The following TRPS1 variants were observed in gnomAD, a reference collection of about 807,000 sequenced individuals.
The protein encoded by TRPS1 is transcriptional repressor GATA binding 1.
TRPS1 carries 6 observed loss-of-function variants against 101.2 expected under a neutral mutation model. That is an observed-to-expected ratio of 0.06 (90% CI 0.03 to 0.12). TRPS1 has a LOEUF of 0.12. Among genes scored for constraint, TRPS1 ranks in the 10% least tolerant of loss-of-function variants. TRPS1 has a pLI of 1.00. For missense variants in TRPS1, 1,363 were observed against 1,567.0 expected (o/e 0.87, Z 2.20); for synonymous variants, 578 against 589.8 (o/e 0.98, Z 0.29).
At chr8:115,581,033 T>G (rs1169506281) in intron 5 of TRPS1, among the ~76,000 whole-genome samples, 1 of 151,836 alleles carries the variant, frequency 6.6e-6, no homozygotes, top group Non-Finnish European at 1.5e-5. Context: ...ATAAACAAAA[T>G]GAGGTAAATA....
intron 3 of TRPS1, among the ~76,000 whole-genome samples, chr8:115,616,847 A>G (rs1170432708): frequency 2.0e-5 from 3 of 152,178 alleles, no homozygotes; most frequent in Non-Finnish European, 4.4e-5. Flanking sequence ...TTAACCACCA[A>G]GGAAAGAATC....
chr8:115,418,460 A>G lies in TRPS1; in HGVS notation c.2701-8T>C, dbSNP rs755461839. On this transcript the variant is annotated splice_polypyrimidine_tract_variant and splice_region_variant and intron_variant, in intron 5 of 6. Coordinates refer to ENST00000395715, the MANE Select transcript of TRPS1 (RefSeq NM_014112.5). The surrounding 1 kb of genome is among the most constrained non-coding windows in gnomAD (Gnocchi z 4.3). ...ACCGGAGCCTCTACGCCTCTGAAAC[A>G]GGGGAAAAAAACCAAGGTCAGAGGT... 3 of 1,613,734 alleles carry G rather than the reference A, an allele frequency of 1.9e-6. No homozygotes were observed. The highest frequency in any genetic ancestry group is 2.5e-6 in the Non-Finnish European group (3 of 1,179,780).
At chr8:115,489,778 A>G (rs1814975241) in intron 5 of TRPS1, among the ~76,000 whole-genome samples, 1 of 152,146 alleles carries the variant, frequency 6.6e-6, no homozygotes, top group African/African-American at 2.4e-5. Context: ...GCTTTCTGAA[A>G]GACATTCAAA....
intron 5 of TRPS1, among the ~76,000 whole-genome samples, chr8:115,436,938 AG>A (rs35181584): frequency 0.28 from 41,929 of 151,918 alleles, 6,582 homozygotes; most frequent in Middle Eastern, 0.46. Flanking sequence ...ATAAAAAAAA[AG>A]TCAATACATT....
chr8:115,564,349 C>T (rs1817016884), intron 5 of TRPS1, among the ~76,000 whole-genome samples: 1 of 151,990 alleles, frequency 6.6e-6, no homozygotes, highest in Non-Finnish European at 1.5e-5. Context: ...TATGCTGTGG[C>T]CCTCTAGCTA....
At chr8:115,499,607 G>A (rs1041891395) in intron 5 of TRPS1, among the ~76,000 whole-genome samples, 1 of 152,184 alleles carries the variant, frequency 6.6e-6, no homozygotes, top group Non-Finnish European at 1.5e-5. Context: ...AAGAACATTA[G>A]AGCCCTAATC....
intron 5 of TRPS1, among the ~76,000 whole-genome samples, chr8:115,478,505 T>G (rs1285284101): frequency 2.0e-5 from 3 of 152,056 alleles, no homozygotes; most frequent in Admixed American, 2.0e-4. Context: ...AAATTCTACT[T>G]TAAAAATATT....
rs1003136715 is a variant in TRPS1, at chr8:115,411,050, T to C, written c.*2973A>G. The C allele has an allele frequency of 2.0e-5, 3 of 151,892 alleles. No homozygotes were observed. Among genetic ancestry groups the C allele is most frequent in the East Asian group, 3.9e-4 (2 of 5,176 alleles). 9.4% of individuals were successfully genotyped at this position (151,892 alleles called of 1,614,324 possible). A position where few individuals can be genotyped will look rare whatever the true frequency, so the allele number is the denominator to read the frequency against. On this transcript the variant is annotated 3_prime_UTR_variant, in exon 7 of 7. Coordinates refer to ENST00000395715, the MANE Select transcript of TRPS1 (RefSeq NM_014112.5). Reference sequence around the variant, plus strand: ...GTCAAAAAAGGAGTGTTTAGTGTTATAATAAATTTTTGTCTCTTTCAAAAA... The same window carrying C: ...GTCAAAAAAGGAGTGTTTAGTGTTACAATAAATTTTTGTCTCTTTCAAAAA...
chr8:115,606,145 C>G (rs1277831623), intron 3 of TRPS1, among the ~76,000 whole-genome samples: 1 of 152,138 alleles, frequency 6.6e-6, no homozygotes, highest in Admixed American at 6.6e-5. Flanking sequence ...ATATCCAAAT[C>G]ACTGCATGAG....
intron 5 of TRPS1, among the ~76,000 whole-genome samples, chr8:115,528,018 A>G (rs992704635): frequency 6.6e-6 from 1 of 152,178 alleles, no homozygotes; most frequent in South Asian, 2.1e-4. Flanking sequence ...TTGTTCATAT[A>G]TCCCAAATGG....
chr8:115,659,140 G>T (rs10086741), intron 1 of TRPS1, among the ~76,000 whole-genome samples: 77,731 of 151,652 alleles, frequency 0.51, 22,698 homozygotes, highest in Middle Eastern at 0.69. Flanking sequence ...TACATCCAAA[G>T]AATGTAATTC....
At position 115,418,424 on chromosome 8, in the gene TRPS1, G is replaced by A. The variant is rs2129769224; in HGVS notation, c.2729C>T (p.Ala910Val). 1.2e-6 allele frequency: 2 copies of A among 1,614,086 alleles called. No homozygotes were observed. Among genetic ancestry groups the A allele is most frequent in the Non-Finnish European group, 1.7e-6 (2 of 1,179,980 alleles). Residue 910 changes from alanine (A) to valine (V), a missense_variant, in exon 6 of 7, where the codon GCC becomes GTC. By Grantham distance (64) the Ala-to-Val change is moderately conservative (BLOSUM62 0). Coordinates refer to ENST00000395715, the MANE Select transcript of TRPS1 (RefSeq NM_014112.5). This position sits in a 1 kb window ranked among gnomAD's most constrained non-coding sequence, Gnocchi z 4.3. Reference protein sequence around the residue: ...RRRRGSGVFCANCLTTKTSLW... With the variant: ...RRRRGSGVFCVNCLTTKTSLW... ...AGAGGTCTTTGTGGTCAGGCAATTG[G>A]CACAAAAAACACCGGAGCCTCTACG...
intron 1 of TRPS1, among the ~76,000 whole-genome samples, chr8:115,652,448 C>A (rs996287906): frequency 6.4e-4 from 98 of 152,286 alleles, no homozygotes; most frequent in Middle Eastern, 6.8e-3. Flanking sequence ...TAAAAACATT[C>A]TAATTAATAA....
Position 115,634,982 on chromosome 8 carries a change from T to C in TRPS1, c.-121-11224A>G, listed in dbSNP as rs532149030. Among the ~76,000 whole-genome samples the C allele has an allele frequency of 5.9e-5, 9 of 152,228 alleles. No homozygotes were observed. The South Asian group carries it at 1.2e-3, about 21-fold the overall frequency. Reference sequence around the variant, plus strand: ...ATTCTCCTTCATGAAGTCTCACCAATGTAGTCCAGGTAAGCTAAAATAATA... The same window carrying C: ...ATTCTCCTTCATGAAGTCTCACCAACGTAGTCCAGGTAAGCTAAAATAATA... On this transcript the variant is annotated intron_variant, in intron 1 of 6. Transcript: ENST00000395715.
Position 115,421,997 on chromosome 8 carries a change from C to T in TRPS1, c.2701-3545G>A, listed in dbSNP as rs541088943. On this transcript the variant is annotated intron_variant, in intron 5 of 6. Coordinates refer to ENST00000395715, the MANE Select transcript of TRPS1 (RefSeq NM_014112.5). Reference sequence around the variant, plus strand: ...ACTTAAAGAAAAAGAAAAGCACTAACGATCTTATTTCATTCATACTTTATC... The same window carrying T: ...ACTTAAAGAAAAAGAAAAGCACTAATGATCTTATTTCATTCATACTTTATC... 6.6e-5 allele frequency among the ~76,000 whole-genome samples: 10 copies of T among 152,234 alleles called. No individual in the cohort carries two copies. The East Asian group carries it at 1.5e-3, about 24-fold the overall frequency.
chr8:115,537,965 A>C, intron 5 of TRPS1, among the ~76,000 whole-genome samples: 1 of 152,354 alleles, frequency 6.6e-6, no homozygotes, highest in South Asian at 2.1e-4. Flanking sequence ...TGTAAACTGC[A>C]GGGAGTGCTT....
At position 115,418,548 on chromosome 8, in the gene TRPS1, C is replaced by T; in HGVS notation, c.2701-96G>A. 6.4e-7 allele frequency: 1 copy of T among 1,550,640 alleles called. No homozygotes were observed. The highest frequency in any genetic ancestry group is 1.7e-5 in the Admixed American group (1 of 59,206). On this transcript the variant is annotated intron_variant, in intron 5 of 6. Transcript: ENST00000395715. This position sits in a 1 kb window ranked among gnomAD's most constrained non-coding sequence, Gnocchi z 4.3. The stretch of plus-strand genomic sequence containing the variant: ...AGGAGTTTTGTCTTTAAACTAGCAA[C>T]AATGACAGTATAAAACCACACTGCC...
intron 4 of TRPS1, among the ~76,000 whole-genome samples, chr8:115,596,859 A>C (rs192033673): frequency 6.6e-6 from 1 of 151,902 alleles, no homozygotes; most frequent in African/African-American, 2.4e-5. Context: ...GTATAGTTTT[A>C]TCTTTTGAAT....
chr8:115,641,879 CG>C (rs1369628587), intron 1 of TRPS1, among the ~76,000 whole-genome samples: 2 of 146,958 alleles, frequency 1.4e-5, no homozygotes, highest in African/African-American at 5.5e-5. Flanking sequence ...GTCTCCGTCT[CG>C]AAAACAAAAC....
Sources: gnomAD v4.1 joint callset for allele counts (sites outside exome capture counted in the v4.1 genomes callset) on GRCh38, gnomAD v4.1.1 for gene constraint, Gnocchi (gnomAD v3.1) non-coding constraint, MANE v1.5 for transcripts, NCBI Gene and HGNC (gene_info 2026-07-23, HGNC 2026-07-21) for gene names.